Variants in COL26A1 observed in about 807,000 individuals in gnomAD.
COL26A1 encodes the protein collagen type XXVI alpha 1 chain, also known as collagen alpha-1(XXVI) chain.
COL26A1 carries 41 observed loss-of-function variants against 59.3 expected under a neutral mutation model. The observed-to-expected ratio is 0.69, with a 90% CI of 0.54 to 0.90. The LOEUF (loss-of-function observed/expected upper bound fraction) is 0.90. Among genes scored for constraint, COL26A1 ranks in the 40% least tolerant of loss-of-function variants. COL26A1 has a pLI of 0.00. For synonymous variants in COL26A1, 266 were observed against 256.0 expected, an observed-to-expected ratio of 1.04 and a Z score of -0.37; for missense variants, 612 against 602.3, an observed-to-expected ratio of 1.02 and a Z score of -0.17.
rs577185745 is a variant in COL26A1 at position 101,556,832 on chromosome 7, G to A, written c.1166-538G>A. 1.0e-3 allele frequency among the ~76,000 whole-genome samples: 156 copies of A among 151,652 alleles called. 1 individual carries two copies. In the South Asian group the frequency reaches 0.031, roughly 30 times the overall value. On this transcript the variant is annotated intron_variant, in intron 12 of 12. Coordinates refer to ENST00000313669, the MANE Select transcript of COL26A1 (RefSeq NM_001278563.3). ...TGAGTGAATGGATGGATGGATGGAT[G>A]ATAGATGGATGGGTAAATGAGTGAA... is the stretch of plus-strand genomic sequence containing the variant.
intron 1 of COL26A1, among the ~76,000 whole-genome samples, chr7:101,409,224 G>A (rs1792191627): frequency 6.6e-6 from 1 of 152,160 alleles, no homozygotes; most frequent in Non-Finnish European, 1.5e-5. Context: ...CAGGAGTAGG[G>A]ATAGTTCCTC....
At chr7:101,423,232 C>A (rs1792566840) in intron 2 of COL26A1, among the ~76,000 whole-genome samples, 1 of 152,038 alleles carries the variant, frequency 6.6e-6, no homozygotes, top group Non-Finnish European at 1.5e-5. Flanking sequence ...TGCCACTGCA[C>A]TCTAGCCTGG....
chr7:101,548,912 G>T (rs17135620), intron 8 of COL26A1, among the ~76,000 whole-genome samples: 54,637 of 151,992 alleles, frequency 0.36, 10,156 homozygotes, highest in African/African-American at 0.41. Flanking sequence ...TGCCTGCCGG[G>T]TCTCGGGATT....
chr7:101,510,897 TC>T (rs1794906945), intron 3 of COL26A1, among the ~76,000 whole-genome samples: 1 of 130,536 alleles, frequency 7.7e-6, no homozygotes, highest in Admixed American at 6.9e-5. Context: ...TTTCTTTCTT[TC>T]TTTTTTTTTT....
intron 3 of COL26A1, among the ~76,000 whole-genome samples, chr7:101,491,469 A>G (rs572601682): frequency 6.6e-6 from 1 of 152,338 alleles, no homozygotes; most frequent in East Asian, 1.9e-4. Context: ...GCAAGTCCAC[A>G]GTGCAAAGCA....
intron 3 of COL26A1, among the ~76,000 whole-genome samples, chr7:101,453,106 G>A (rs537433832): frequency 7.2e-5 from 11 of 152,238 alleles, no homozygotes; most frequent in South Asian, 2.1e-4. Flanking sequence ...GGTGGCTCAC[G>A]TTTGTAATCC....
chr7:101,499,026 C>T (rs567174206), intron 3 of COL26A1, among the ~76,000 whole-genome samples: 197 of 152,336 alleles, frequency 1.3e-3, no homozygotes, highest in Non-Finnish European at 1.7e-3. Flanking sequence ...AATAATTGTA[C>T]TTGAAATGGA....
At position 101,557,577 on chromosome 7, in the gene COL26A1, C is replaced by T. The variant is rs1015918637; in HGVS notation, c.*47C>T. On this transcript the variant is annotated 3_prime_UTR_variant, in exon 13 of 13. Coordinates refer to ENST00000313669, the MANE Select transcript of COL26A1 (RefSeq NM_001278563.3). ...CCTGTCCTGGCTAGAGACCCAGCCC[C>T]AGAGGCCTGAGCCGCCGCTGTTTCC... The T allele has an allele frequency of 1.3e-6, 2 of 1,550,748 alleles. No individual in the cohort carries two copies. The highest frequency in any genetic ancestry group is 1.8e-5 in the Admixed American group (1 of 54,834).
At chr7:101,427,222 T>C (rs2130303425) in intron 2 of COL26A1, among the ~76,000 whole-genome samples, 1 of 152,328 alleles carries the variant, frequency 6.6e-6, no homozygotes, top group South Asian at 2.1e-4. Flanking sequence ...TATGCCTGGC[T>C]AATTAAAAAA....
intron 1 of COL26A1, among the ~76,000 whole-genome samples, chr7:101,413,942 TAGTC>T (rs1792307553): frequency 6.6e-6 from 1 of 152,180 alleles, no homozygotes; most frequent in Non-Finnish European, 1.5e-5. Context: ...GCACCCGCCA[TAGTC>T]AGGAGCTGAG....
At chr7:101,465,391 C>T (rs183117350) in intron 3 of COL26A1, among the ~76,000 whole-genome samples, 275 of 152,172 alleles carry the variant, frequency 1.8e-3, no homozygotes, top group African/African-American at 5.8e-3. Context: ...TGGGCTGTGG[C>T]GGGGCCAGCC....
At chr7:101,375,623 T>C (rs189501043) in intron 1 of COL26A1, among the ~76,000 whole-genome samples, 3 of 151,964 alleles carry the variant, frequency 2.0e-5, no homozygotes, top group African/African-American at 7.2e-5. Flanking sequence ...GAGGATTGCT[T>C]GAGCCCAGGA....
Position 101,549,628 on chromosome 7 carries a change from C to T in COL26A1, c.993+405C>T, listed in dbSNP as rs1285117688. ...AACATCCGACCTCAAGTAATCCATC[C>T]GCCTCAGCCTCCCAAAGTGCTGGGA... On this transcript the variant is annotated intron_variant, in intron 9 of 12. Coordinates refer to ENST00000313669, the MANE Select transcript of COL26A1 (RefSeq NM_001278563.3). Among the ~76,000 whole-genome samples, 4 of 152,184 alleles carry T rather than the reference C, an allele frequency of 2.6e-5. 1 individual carries two copies. Among genetic ancestry groups the T allele is most frequent in the Admixed American group, 2.0e-4 (3 of 15,280 alleles).
intron 3 of COL26A1, among the ~76,000 whole-genome samples, chr7:101,463,628 TTCCTTCCTTCCTTCCATCCTTCCA>T (rs1156265368): frequency 7.0e-5 from 6 of 85,348 alleles, no homozygotes; most frequent in African/African-American, 3.5e-4. Context: ...CCTCCCCCTC[TTCCTTCCTTCCTTCCATCCTTCCA>T]TCCTTCCATC....
intron 3 of COL26A1, among the ~76,000 whole-genome samples, chr7:101,460,269 A>C (rs1793578265): frequency 6.6e-6 from 1 of 152,088 alleles, no homozygotes; most frequent in Admixed American, 6.6e-5. Flanking sequence ...ATACTGTGAG[A>C]TAAGGACTTC....
Position 101,466,366 on chromosome 7 carries a change from A to G in COL26A1, c.385+18579A>G, listed in dbSNP as rs528783835. Reference sequence around the variant, plus strand: ...TGAATAAATGGCCCTTGTTACTGTCATTCCCCGACCTGCCCAGCACTAGGC... The same window carrying G: ...TGAATAAATGGCCCTTGTTACTGTCGTTCCCCGACCTGCCCAGCACTAGGC... On this transcript the variant is annotated intron_variant, in intron 3 of 12. Transcript: ENST00000313669. Among the ~76,000 whole-genome samples, 7 of 152,142 alleles carry G rather than the reference A, an allele frequency of 4.6e-5. No individual in the cohort carries two copies. The South Asian group carries it at 6.2e-4, about 14-fold the overall frequency.
chr7:101,545,440 A>G lies in COL26A1; in HGVS notation c.806A>G (p.Asn269Ser), dbSNP rs765645255. 2.5e-6 allele frequency: 4 copies of G among 1,608,356 alleles called. No homozygotes were observed. The highest frequency in any genetic ancestry group is 2.5e-6 in the Non-Finnish European group (3 of 1,177,878). Residue 269 changes from asparagine (N) to serine (S), a missense_variant, in exon 7 of 13, where the codon AAC (asparagine) becomes AGC (serine). Coordinates refer to ENST00000313669, the MANE Select transcript of COL26A1 (RefSeq NM_001278563.3). ...GCAGGCAACCCAGGCCCCTCACCAA[A>G]CAGCCCCCAGGGCGCCCTCTACTCC... Reference protein sequence around the residue: ...GPAGNPGPSPNSPQGALYSLQ... With the variant: ...GPAGNPGPSPSSPQGALYSLQ...
chr7:101,522,346 CTG>C (rs1356774283), intron 3 of COL26A1, among the ~76,000 whole-genome samples: 7 of 152,192 alleles, frequency 4.6e-5, no homozygotes, highest in African/African-American at 1.7e-4. Flanking sequence ...GTATATCCAT[CTG>C]TCTCAGTCTG....
chr7:101,468,834 C>A (rs539282694), intron 3 of COL26A1, among the ~76,000 whole-genome samples: 2 of 152,212 alleles, frequency 1.3e-5, no homozygotes, highest in Non-Finnish European at 2.9e-5. Context: ...CCTTGGCGCT[C>A]AGCTGAGATT....
Sources: gnomAD v4.1 joint callset for allele counts (sites outside exome capture counted in the v4.1 genomes callset) on GRCh38, gnomAD v4.1.1 for gene constraint, MANE v1.5 for transcripts, NCBI Gene and HGNC (gene_info 2026-07-23, HGNC 2026-07-21) for gene names.